CNTNAP2: variants seen among roughly 807,000 people sequenced by gnomAD.
The protein encoded by CNTNAP2 is contactin-associated protein-like 2.
A neutral mutation model predicts 155.2 loss-of-function variants in CNTNAP2; 98 were observed. The observed-to-expected ratio is 0.63, with a 90% CI of 0.54 to 0.75. The LOEUF is 0.75. Among genes scored for constraint, CNTNAP2 ranks in the 30% least tolerant of loss-of-function variants. The pLI is 0.00. For missense variants in CNTNAP2, 1,727 were observed against 1,688.1 expected (o/e 1.02, Z -0.40); for synonymous variants, 651 against 631.2 (o/e 1.03, Z -0.47).
intron 3 of CNTNAP2, among the ~76,000 whole-genome samples, chr7:147,023,759 C>T (rs562441587): frequency 6.6e-6 from 1 of 152,302 alleles, no homozygotes; most frequent in African/African-American, 2.4e-5. Flanking sequence ...TGCCAGTTGC[C>T]TTCTGAGTCA....
At chr7:147,612,907 A>G (rs1011168154) in intron 12 of CNTNAP2, among the ~76,000 whole-genome samples, 1 of 152,184 alleles carries the variant, frequency 6.6e-6, no homozygotes, top group African/African-American at 2.4e-5. Flanking sequence ...TTTTATAACA[A>G]TTGTATAACC....
In CNTNAP2 at chr7:146,824,020, A is replaced by G. The variant is rs189426551; in HGVS notation, c.209-15691A>G. Among the ~76,000 whole-genome samples, 530 of 152,080 alleles carry G rather than the reference A, an allele frequency of 3.5e-3. 6 individuals are homozygous for G. Among genetic ancestry groups the G allele is most frequent in the Middle Eastern group, 0.017 (5 of 294 alleles). ...CCACATGCATTAGGTATTTCTCCTA[A>G]TGCTCTCCCTCCCCCAGCCCTCCAA... On this transcript the variant is annotated intron_variant, in intron 2 of 23. Transcript: ENST00000361727.
At chr7:147,595,967 T>C (rs1160935397) in intron 12 of CNTNAP2, among the ~76,000 whole-genome samples, 6 of 152,222 alleles carry the variant, frequency 3.9e-5, no homozygotes, top group African/African-American at 1.4e-4. Context: ...TTTTTGTTTT[T>C]GATTTTTTGT....
At chr7:147,029,954 C>T (rs562874871) in intron 3 of CNTNAP2, among the ~76,000 whole-genome samples, 34 of 152,242 alleles carry the variant, frequency 2.2e-4, no homozygotes, top group African/African-American at 7.9e-4. Context: ...TATTTTATCC[C>T]AAGTACTTTC....
chr7:146,120,933 G>A (rs1797552393), intron 1 of CNTNAP2, among the ~76,000 whole-genome samples: 1 of 151,960 alleles, frequency 6.6e-6, no homozygotes, highest in Admixed American at 6.6e-5. Flanking sequence ...AATTGCCTAA[G>A]GATACATTTC....
chr7:147,315,478 C>CTTTT (rs3050776), intron 9 of CNTNAP2, among the ~76,000 whole-genome samples: 1 of 103,940 alleles, frequency 9.6e-6, no homozygotes, highest in Non-Finnish European at 1.9e-5. Context: ...TTATTCTGGA[C>CTTTT]TTTTTTTTTT....
intron 13 of CNTNAP2, among the ~76,000 whole-genome samples, chr7:147,848,845 G>T (rs1333743294): frequency 1.3e-5 from 2 of 151,852 alleles, no homozygotes; most frequent in African/African-American, 4.8e-5. Flanking sequence ...ATACACAAAA[G>T]ACCAAACCTC....
chr7:148,110,837 G>C (rs1057051022), intron 15 of CNTNAP2, among the ~76,000 whole-genome samples: 2 of 152,102 alleles, frequency 1.3e-5, no homozygotes, highest in African/African-American at 4.8e-5. Context: ...CAAAAAATGG[G>C]GGTAAAGCTC....
intron 17 of CNTNAP2, among the ~76,000 whole-genome samples, chr7:148,157,028 AGGTGAAC>A (rs912768341): frequency 5.3e-5 from 8 of 152,202 alleles, no homozygotes; most frequent in Non-Finnish European, 7.3e-5. Context: ...AATGACAGGA[AGGTGAAC>A]GGCTGTGTAG....
At chr7:146,210,134 T>C (rs1438902247) in intron 1 of CNTNAP2, among the ~76,000 whole-genome samples, 1 of 152,126 alleles carries the variant, frequency 6.6e-6, no homozygotes, top group East Asian at 1.9e-4. Flanking sequence ...AAGGCATTGC[T>C]AGATTATGAT....
In CNTNAP2 at chr7:147,510,500, G is replaced by C. The variant is rs566606870; in HGVS notation, c.1777+24459G>C. Among the ~76,000 whole-genome samples, 3 of 151,794 alleles carry C rather than the reference G, an allele frequency of 2.0e-5. No individual in the cohort carries two copies. The South Asian group carries it at 6.2e-4, about 31-fold the overall frequency. On this transcript the variant is annotated intron_variant, in intron 11 of 23. Transcript: ENST00000361727. ...GACAAGGAAATATGGTAGAGCTTAT[G>C]TTCTGAATCAATCATTTCAGATTCT... is the stretch of plus-strand genomic sequence containing the variant.
intron 3 of CNTNAP2, among the ~76,000 whole-genome samples, chr7:146,968,891 A>C (rs1584755716): frequency 4.3e-5 from 6 of 140,180 alleles, no homozygotes; most frequent in Admixed American, 7.1e-5. Context: ...TAGTTCTTTT[A>C]ATTGTGATGT....
chr7:148,211,784 C>T (rs549912849), intron 18 of CNTNAP2, among the ~76,000 whole-genome samples: 3 of 152,292 alleles, frequency 2.0e-5, no homozygotes, highest in South Asian at 4.1e-4. Flanking sequence ...TCTTTTATTA[C>T]ACAACCAGAG....
Position 148,208,869 on chromosome 7 carries a change from C to T in CNTNAP2, c.3011-8419C>T, listed in dbSNP as rs115764985. On this transcript the variant is annotated intron_variant, in intron 18 of 23. Coordinates refer to ENST00000361727, the MANE Select transcript of CNTNAP2 (RefSeq NM_014141.6). ...TCAGACCTCGTGTTCAAGGGGTCCCCGGGGTGCCCTAATTACTTCCTCTCT... is the reference window on the plus strand; with the variant it reads ...TCAGACCTCGTGTTCAAGGGGTCCCTGGGGTGCCCTAATTACTTCCTCTCT... Among the ~76,000 whole-genome samples the T allele has an allele frequency of 6.3e-3, 961 of 152,138 alleles. 9 individuals are homozygous for T. Among genetic ancestry groups the T allele is most frequent in the African/African-American group, 0.021 (876 of 41,498 alleles).
chr7:148,264,624 T>C (rs1436242097), intron 20 of CNTNAP2, among the ~76,000 whole-genome samples: 1 of 152,232 alleles, frequency 6.6e-6, no homozygotes, highest in Non-Finnish European at 1.5e-5. Context: ...TTTTCTATAA[T>C]GAACATATAT....
intron 21 of CNTNAP2, among the ~76,000 whole-genome samples, chr7:148,301,322 TAG>T (rs1554414670): frequency 2.8e-5 from 4 of 141,748 alleles, no homozygotes; most frequent in African/African-American, 7.9e-5. Context: ...TATATATATA[TAG>T]GTTAAAATGT....
rs149081678 is a variant in CNTNAP2 at position 147,941,493 on chromosome 7, C to T, written c.2256-36369C>T. 4.7e-4 allele frequency among the ~76,000 whole-genome samples: 71 copies of T among 152,222 alleles called. No homozygotes were observed. In the South Asian group the frequency reaches 0.011, roughly 23 times the overall value. ...GAGCACTCACAAAAAAAGTTGTCAC[C>T]GCCAAGTGACCTCACTGCTTCTCCC... On this transcript the variant is annotated intron_variant, in intron 14 of 23. Transcript: ENST00000361727.
chr7:147,182,930 A>G (rs1387459805), intron 8 of CNTNAP2, among the ~76,000 whole-genome samples: 1 of 152,154 alleles, frequency 6.6e-6, no homozygotes, highest in Non-Finnish European at 1.5e-5. Context: ...TGACTATTGA[A>G]CTTATCTCCC....
At chr7:146,468,180 C>A (rs1164460889) in intron 1 of CNTNAP2, among the ~76,000 whole-genome samples, 1 of 151,894 alleles carries the variant, frequency 6.6e-6, no homozygotes, top group Non-Finnish European at 1.5e-5. Context: ...ACGAAGAAAA[C>A]TAAGAATAAT....
Sources: allele counts gnomAD v4.1 joint callset (sites outside exome capture counted in the v4.1 genomes callset), GRCh38; gene constraint gnomAD v4.1.1; transcripts MANE v1.5; gene names NCBI Gene and HGNC (gene_info 2026-07-23, HGNC 2026-07-21).